The following TNR variants were observed in gnomAD, a reference collection of about 807,000 sequenced individuals.
TNR encodes the protein tenascin-R.
Under a neutral mutation model 150.4 loss-of-function variants are expected in TNR, and 45 were observed. The ratio of observed to expected loss-of-function variants is 0.30; its 90% CI spans 0.24 to 0.38. TNR has a LOEUF of 0.38. Ranked by LOEUF, TNR falls within the 10% of genes least tolerant of loss-of-function variation. The pLI is 1.00. For synonymous variants in TNR, 687 were observed against 678.4 expected, an observed-to-expected ratio of 1.01 and a Z score of -0.20; for missense variants, 1,544 against 1,759.1, an observed-to-expected ratio of 0.88 and a Z score of 2.19.
chr1:175,346,393 G>C (rs1369619362), intron 18 of TNR, among the ~76,000 whole-genome samples: 1 of 152,090 alleles, frequency 6.6e-6, no homozygotes, highest in Non-Finnish European at 1.5e-5. Flanking sequence ...GGATTTGAGA[G>C]GGTGCTCAAG....
At chr1:175,565,217 T>C (rs1393903278) in intron 1 of TNR, among the ~76,000 whole-genome samples, 2 of 152,196 alleles carry the variant, frequency 1.3e-5, no homozygotes, top group African/African-American at 4.8e-5. Flanking sequence ...GTGCTGTCTT[T>C]CTAAGAGTGG....
At chr1:175,323,881 C>T (rs1391334243) in intron 22 of TNR, among the ~76,000 whole-genome samples, 3 of 152,072 alleles carry the variant, frequency 2.0e-5, no homozygotes, top group Non-Finnish European at 4.4e-5. Flanking sequence ...TTTTGGTTTG[C>T]CTAGAACTGA....
chr1:175,372,045 G>GAAC (rs1652130945), intron 9 of TNR, among the ~76,000 whole-genome samples: 1 of 152,120 alleles, frequency 6.6e-6, no homozygotes. Flanking sequence ...CCTCCAGATA[G>GAAC]TGAGTGAGTT....
chr1:175,418,338 C>T (rs1483428171), intron 2 of TNR, among the ~76,000 whole-genome samples: 1 of 152,126 alleles, frequency 6.6e-6, no homozygotes, highest in Non-Finnish European at 1.5e-5. Flanking sequence ...ATTTCAACTG[C>T]AAGACTTCTC....
chr1:175,358,133 C>T (rs556951624), intron 15 of TNR, among the ~76,000 whole-genome samples: 8 of 152,188 alleles, frequency 5.3e-5, no homozygotes, highest in East Asian at 1.9e-4. Flanking sequence ...TTAAAAAATG[C>T]GGGATCATGT....
At chr1:175,740,095 G>A (rs1246107397) in intron 1 of TNR, among the ~76,000 whole-genome samples, 1 of 152,190 alleles carries the variant, frequency 6.6e-6, no homozygotes, top group African/African-American at 2.4e-5. Flanking sequence ...GGAGCAGAAT[G>A]TACCCCTCCC....
At chr1:175,525,019 G>T (rs927225382) in intron 2 of TNR, among the ~76,000 whole-genome samples, 1 of 152,150 alleles carries the variant, frequency 6.6e-6, no homozygotes, top group African/African-American at 2.4e-5. Flanking sequence ...TTGAATTGCA[G>T]TTCCTATAAT....
intron 2 of TNR, among the ~76,000 whole-genome samples, chr1:175,527,653 C>T (rs1231055390): frequency 2.6e-5 from 4 of 152,108 alleles, no homozygotes; most frequent in Non-Finnish European, 5.9e-5. Context: ...ATTCACTGTG[C>T]CTGACAACTC....
chr1:175,720,089 C>T (rs1313587664), intron 1 of TNR, among the ~76,000 whole-genome samples: 3 of 152,202 alleles, frequency 2.0e-5, no homozygotes, highest in Middle Eastern at 3.2e-3. Flanking sequence ...CTGGATGTGT[C>T]CCCAAAACTC....
At chr1:175,481,848 C>T (rs978538241) in intron 2 of TNR, among the ~76,000 whole-genome samples, 16 of 152,122 alleles carry the variant, frequency 1.1e-4, no homozygotes, top group African/African-American at 2.9e-4. Context: ...CAAGCACACA[C>T]GTCTGCCCAG....
rs189001796 is a variant in TNR at position 175,456,458 on chromosome 1, T to G, written c.-63-49681A>C. ...CCACAAAGGCGAGGATTTTTGACTG[T>G]TTTATTTGCTGCTGCATCCCTGAAT... On this transcript the variant is annotated intron_variant, in intron 2 of 22. Transcript: ENST00000367674. Among the ~76,000 whole-genome samples, 215 of 152,356 alleles carry G rather than the reference T, an allele frequency of 1.4e-3. 1 individual carries two copies. The highest frequency in any genetic ancestry group is 5.0e-3 in the South Asian group (24 of 4,824).
chr1:175,331,085 CTT>C (rs1349643818), intron 20 of TNR, among the ~76,000 whole-genome samples: 111 of 110,518 alleles, frequency 1.0e-3, no homozygotes, highest in East Asian at 1.9e-3. Context: ...TTCCTTCTTT[CTT>C]TCTTTCTTTC....
chr1:175,692,838 T>A (rs1482131300), intron 1 of TNR, among the ~76,000 whole-genome samples: 2 of 152,180 alleles, frequency 1.3e-5, no homozygotes, highest in African/African-American at 4.8e-5. Context: ...TGTTACACAT[T>A]GTTATGTGAA....
intron 1 of TNR, among the ~76,000 whole-genome samples, chr1:175,700,128 G>T (rs919394582): frequency 6.6e-6 from 1 of 151,126 alleles, no homozygotes; most frequent in South Asian, 2.1e-4. Flanking sequence ...CTAGATTGCC[G>T]TGCAGTCCAA....
At chr1:175,640,791 G>GTATATATATATATATATATATACA (rs59240572) in intron 1 of TNR, among the ~76,000 whole-genome samples, 1 of 143,648 alleles carries the variant, frequency 7.0e-6, no homozygotes, top group Admixed American at 7.0e-5. Flanking sequence ...GTGTGTGTGG[G>GTATATATATATATATATATATACA]TATATATATA....
chr1:175,686,329 A>T (rs1303103533), intron 1 of TNR, among the ~76,000 whole-genome samples: 1 of 152,218 alleles, frequency 6.6e-6, no homozygotes, highest in Non-Finnish European at 1.5e-5. Context: ...CTAAAATAGA[A>T]GACAAACCAC....
At chr1:175,368,185 C>T (rs1651927103) in intron 9 of TNR, among the ~76,000 whole-genome samples, 1 of 152,202 alleles carries the variant, frequency 6.6e-6, no homozygotes, top group East Asian at 1.9e-4. Context: ...CTTACAACAA[C>T]AAAAGTGGAT....
Position 175,483,214 on chromosome 1 carries a change from C to T in TNR, c.-64+45055G>A, listed in dbSNP as rs555360442. Among the ~76,000 whole-genome samples, 9 of 152,274 alleles carry T rather than the reference C, an allele frequency of 5.9e-5. No homozygotes were observed. In the East Asian group the frequency reaches 1.7e-3, roughly 29 times the overall value. On this transcript the variant is annotated intron_variant, in intron 2 of 22. Transcript: ENST00000367674. ...CAGTCTAGTCAAGAGATGGTTAAGA[C>T]ATCAGGTGTGGTAACTGCTATGAGA...
chr1:175,543,980 G>C (rs1320808479), intron 1 of TNR, among the ~76,000 whole-genome samples: 1 of 152,140 alleles, frequency 6.6e-6, no homozygotes, highest in African/African-American at 2.4e-5. Context: ...AAACCTCATG[G>C]GGCATTTAGC....
Sources: allele counts gnomAD v4.1 joint callset (sites outside exome capture counted in the v4.1 genomes callset), GRCh38; gene constraint gnomAD v4.1.1; transcripts MANE v1.5; gene names NCBI Gene and HGNC (gene_info 2026-07-23, HGNC 2026-07-21).